RS1: variants seen among roughly 807,000 people sequenced by gnomAD.
RS1 encodes retinoschisin 1.
In RS1, 2 loss-of-function variants were observed where a neutral mutation model predicts 20.8. The observed-to-expected ratio is 0.10, with a 90% CI of 0.04 to 0.30. The LOEUF is 0.30. Among genes scored for constraint, RS1 ranks in the 10% least tolerant of loss-of-function variants. The pLI is 1.00. For synonymous variants in RS1, 70 were observed against 75.8 expected, an observed-to-expected ratio of 0.92 and a Z score of 0.40; for missense variants, 151 against 189.8, an observed-to-expected ratio of 0.80 and a Z score of 1.20.
chrX:18,659,924 C>T (rs1286748994), intron 1 of RS1, among the ~76,000 whole-genome samples: 1 of 111,736 alleles, frequency 8.9e-6, no homozygotes, highest in Non-Finnish European at 1.9e-5. Flanking sequence ...TGCCCTATAC[C>T]CGGAGGGAAG....
Position 18,647,246 on chromosome X carries a change from C to G in RS1, c.271G>C (p.Gly91Arg), listed in dbSNP as rs1386273674. The G allele has an allele frequency of 8.3e-7, 1 of 1,210,689 alleles. No individual in the cohort carries two copies. Among genetic ancestry groups the G allele is most frequent in the East Asian group, 3.0e-5 (1 of 33,825 alleles). The change falls in exon 4 of 6, where the codon GGC (glycine) becomes CGC (arginine). Residue 91 changes from glycine to arginine, a missense_variant. Gly to Arg is a moderately radical substitution (Grantham distance 125). Coordinates refer to ENST00000379984, the MANE Select transcript of RS1 (RefSeq NM_000330.4). ...ITCSNPEQYV[G>R]WYSSWTANKA... ...TTTGCAGTCCACGAAGAATACCAGCCCACATACTGCTCCGGGTTAGAGCAG... is the reference window on the plus strand; with the variant it reads ...TTTGCAGTCCACGAAGAATACCAGCGCACATACTGCTCCGGGTTAGAGCAG...
chrX:18,649,996 T>C, intron 3 of RS1: 1 of 219,608 alleles, frequency 4.6e-6, no homozygotes, highest in African/African-American at 2.9e-5. Flanking sequence ...GCCGCCCCGC[T>C]CAGGGCTACT....
chrX:18,652,875 T>C lies in RS1; in HGVS notation c.184+3778A>G, dbSNP rs1454961571. ...GAGATAGATAAAGGCATATTTGCAA[T>C]ATGTTACCAGCCCAAGGCTGTGTAT... On this transcript the variant is annotated intron_variant, in intron 3 of 5. Transcript: ENST00000379984. Among the ~76,000 whole-genome samples the C allele has an allele frequency of 2.7e-5, 3 of 112,493 alleles. No homozygotes were observed. The Admixed American group carries it at 2.8e-4, about 11-fold the overall frequency.
rs1424986949 is a variant in RS1, at chrX:18,639,977, C to T, written c.*2027G>A. 2 of 111,720 alleles carry T rather than the reference C, an allele frequency of 1.8e-5. No individual in the cohort carries two copies. The highest frequency in any genetic ancestry group is 6.5e-5 in the African/African-American group (2 of 30,689). 9.2% of individuals were successfully genotyped at this position (111,720 alleles called of 1,213,427 possible). On this transcript the variant is annotated 3_prime_UTR_variant, in exon 6 of 6. Transcript: ENST00000379984. ...GGCCAATCTACAGAGACAGTCGATT[C>T]GTGGTTGCAGAGGGCTTGGGGTGGC...
rs571944937 is a variant in RS1 at position 18,672,062 on chromosome X, G to C, written c.7C>G (p.Arg3Gly). 947 of 1,207,840 alleles carry C rather than the reference G, an allele frequency of 7.8e-4. 2 individuals are homozygous for C. The South Asian group carries it at 0.015, about 19-fold the overall frequency. ...AATAACAAAAAGCCTTCTATCTTGC[G>C]TGACATCTTCCCCTCGTCCTCGGCC... MSRKIEGFLLLLL... is the reference protein window; with the variant it reads MSGKIEGFLLLLL... The change falls in exon 1 of 6, where the codon CGC (arginine) becomes GGC (glycine). Residue 3 changes from arginine (R) to glycine (G), a missense_variant. Transcript: ENST00000379984.
intron 3 of RS1, chrX:18,650,190 G>T: frequency 4.3e-6 from 2 of 466,543 alleles, no homozygotes; most frequent in South Asian, 3.0e-5. Context: ...CCTGGCCAGG[G>T]CCAATGGCCT....
At chrX:18,648,565 G>C (rs1927891503) in intron 3 of RS1, among the ~76,000 whole-genome samples, 1 of 111,475 alleles carries the variant, frequency 9.0e-6, no homozygotes, top group African/African-American at 3.3e-5. Context: ...TGACTAAAGA[G>C]CTCTCCTTTT....
At chrX:18,666,012 G>A (rs1928399573) in intron 1 of RS1, among the ~76,000 whole-genome samples, 1 of 109,996 alleles carries the variant, frequency 9.1e-6, no homozygotes, top group African/African-American at 3.3e-5. Context: ...GACTGATAAT[G>A]ACTCACCTCA....
At chrX:18,656,588 G>A in intron 3 of RS1, 65 bp downstream of exon 3, 1 of 891,543 alleles carries the variant, frequency 1.1e-6, no homozygotes. Flanking sequence ...CAGCTGAGTG[G>A]GAAAAAGGAA....
intron 1 of RS1, among the ~76,000 whole-genome samples, chrX:18,664,914 T>C (rs1441237180): frequency 9.0e-6 from 1 of 111,082 alleles, no homozygotes; most frequent in Admixed American, 9.6e-5. Flanking sequence ...ACGGGGTCTA[T>C]GCTATGTTAC....
At chrX:18,665,991 A>G (rs151233746) in intron 1 of RS1, among the ~76,000 whole-genome samples, 3,307 of 110,051 alleles carry the variant, frequency 0.03, 58 homozygotes, top group Non-Finnish European at 0.047. Flanking sequence ...ATAGAAACCC[A>G]TACAAAAAAT....
At chrX:18,652,403 T>C (rs1928084749) in intron 3 of RS1, among the ~76,000 whole-genome samples, 1 of 112,520 alleles carries the variant, frequency 8.9e-6, no homozygotes. Context: ...GTGCAGTGGC[T>C]CACGCCTGTA....
chrX:18,654,473 G>T (rs1008770630), intron 3 of RS1, among the ~76,000 whole-genome samples: 6 of 112,095 alleles, frequency 5.4e-5, no homozygotes, highest in African/African-American at 1.9e-4. Context: ...ATTCCAGGAG[G>T]TCTCATGTCT....
At position 18,641,438 on chromosome X, in the gene RS1, G is replaced by A. The variant is rs147704131; in HGVS notation, c.*566C>T. 8.2e-4 allele frequency: 97 copies of A among 117,723 alleles called. No individual in the cohort carries two copies. Among genetic ancestry groups the A allele is most frequent in the African/African-American group, 3.1e-3 (95 of 30,645 alleles). The allele number at this position is 117,723 out of a possible 1,213,427, so 9.7% of individuals were successfully genotyped here. On this transcript the variant is annotated 3_prime_UTR_variant, in exon 6 of 6. Transcript: ENST00000379984. ...GGCTTTTGGTCATTTGTCACGTATA[G>A]CCTCTCAGGGCACCGGGATTCTCAC...
intron 1 of RS1, among the ~76,000 whole-genome samples, chrX:18,669,078 T>C (rs1299803377): frequency 8.9e-6 from 1 of 111,990 alleles, no homozygotes; most frequent in Admixed American, 9.5e-5. Flanking sequence ...TGTTTTTATA[T>C]AATAAACATG....
At position 18,647,470 on chromosome X, in the gene RS1, T is replaced by C; in HGVS notation, c.185-138A>G. ...CTTTACCTGTCTCTGTGGTTCACAA[T>C]GGGTACAGCTGTGTCTTCAACGGTT... On this transcript the variant is annotated intron_variant, in intron 3 of 5. Transcript: ENST00000379984. 4 of 594,854 alleles carry C rather than the reference T, an allele frequency of 6.7e-6. No homozygotes were observed. In the Admixed American group the frequency reaches 8.1e-5, roughly 12 times the overall value. 49.0% of individuals were successfully genotyped at this position (594,854 alleles called of 1,213,427 possible).
At chrX:18,665,040 C>T (rs901060094) in intron 1 of RS1, among the ~76,000 whole-genome samples, 2 of 112,130 alleles carry the variant, frequency 1.8e-5, no homozygotes, top group African/African-American at 6.5e-5. Context: ...TTCTTATCTC[C>T]TGAGTGGCTT....
At position 18,642,166 on chromosome X, in the gene RS1, T is replaced by G. The variant is rs142428831; in HGVS notation, c.523-10A>C. 1.2e-3 allele frequency: 1,429 copies of G among 1,207,093 alleles called. 14 individuals are homozygous for G. In the African/African-American group the frequency reaches 0.022, roughly 18 times the overall value. On this transcript the variant is annotated splice_polypyrimidine_tract_variant and intron_variant, in intron 5 of 5. Coordinates refer to ENST00000379984, the MANE Select transcript of RS1 (RefSeq NM_000330.4). ...AGTTGCCATAGAAGACCTAGAGAGA[T>G]AGAGGAAATCCTGTCACCATCACAT...
intron 1 of RS1, among the ~76,000 whole-genome samples, chrX:18,665,512 T>A (rs768899672): frequency 4.6e-4 from 51 of 110,917 alleles, no homozygotes; most frequent in Non-Finnish European, 6.6e-4. Context: ...CCATAGAATT[T>A]CTTTGCCTCA....
Sources: gnomAD v4.1 joint callset for allele counts (sites outside exome capture counted in the v4.1 genomes callset) on GRCh38, gnomAD v4.1.1 for gene constraint, MANE v1.5 for transcripts, NCBI Gene and HGNC (gene_info 2026-07-23, HGNC 2026-07-21) for gene names.